RELN: variants seen among roughly 807,000 people sequenced by gnomAD.
RELN encodes the protein reelin.
RELN carries 108 observed loss-of-function variants against 427.6 expected under a neutral mutation model. That is an observed-to-expected ratio of 0.25 (90% CI 0.22 to 0.30). RELN has a LOEUF of 0.30. Ranked by LOEUF, RELN falls within the 10% of genes least tolerant of loss-of-function variation. The pLI, the probability that RELN is intolerant of heterozygous loss-of-function variation, is 1.00. For missense variants in RELN, 3,715 were observed against 4,302.8 expected (o/e 0.86, Z 3.82); for synonymous variants, 1,524 against 1,513.4 (o/e 1.01, Z -0.16).
chr7:103,726,886 T>A (rs193292883), intron 7 of RELN, among the ~76,000 whole-genome samples: 16 of 152,320 alleles, frequency 1.1e-4, no homozygotes, highest in Admixed American at 9.2e-4. Context: ...AGGAATATTA[T>A]AGCACTTTTG....
intron 2 of RELN, among the ~76,000 whole-genome samples, chr7:103,883,291 TAAG>T (rs1260651436): frequency 1.3e-5 from 2 of 152,062 alleles, no homozygotes; most frequent in Non-Finnish European, 2.9e-5. Context: ...CTCAAAATAA[TAAG>T]AACTATTTAT....
At chr7:103,954,052 C>A (rs1488782991) in intron 1 of RELN, among the ~76,000 whole-genome samples, 3 of 152,024 alleles carry the variant, frequency 2.0e-5, no homozygotes, top group Admixed American at 1.3e-4. Context: ...GAGTTTGAGA[C>A]CAGCCTGGCC....
intron 4 of RELN, among the ~76,000 whole-genome samples, chr7:103,774,741 C>G (rs943444433): frequency 9.2e-5 from 14 of 152,152 alleles, no homozygotes; most frequent in Non-Finnish European, 1.2e-4. Flanking sequence ...TATTTCCTGA[C>G]AGTAGAAAGC....
chr7:103,558,180 A>T, intron 36 of RELN, 131 bp from the exon 37 acceptor site: 1 of 637,014 alleles, frequency 1.6e-6, no homozygotes, highest in South Asian at 1.8e-5. Flanking sequence ...AATTTTGCCT[A>T]GTTTAAAAGG....
intron 41 of RELN, among the ~76,000 whole-genome samples, chr7:103,549,623 G>A (rs1401590027): frequency 6.6e-6 from 1 of 152,106 alleles, no homozygotes; most frequent in Admixed American, 6.5e-5. Context: ...TTGAAAATTT[G>A]GAATTAAGAG....
At chr7:103,910,667 G>A (rs1795344647) in intron 2 of RELN, among the ~76,000 whole-genome samples, 1 of 135,932 alleles carries the variant, frequency 7.4e-6, no homozygotes, top group Non-Finnish European at 1.6e-5. Flanking sequence ...ATAGATCAAT[G>A]GAACAGAACA....
rs17132957 is a variant in RELN at position 103,489,504 on chromosome 7, A to G, written c.9763+238T>C. Among the ~76,000 whole-genome samples, 29,641 of 152,126 alleles carry G rather than the reference A, an allele frequency of 0.19. 3,243 individuals are homozygous for G. Among genetic ancestry groups the G allele is most frequent in the African/African-American group, 0.3 (12,645 of 41,482 alleles). Reference sequence around the variant, plus strand: ...TCTGGATTTATATGCTTATATATTTATAGAATGTCTGGAGTAGATTTCATT... The same window carrying G: ...TCTGGATTTATATGCTTATATATTTGTAGAATGTCTGGAGTAGATTTCATT... On this transcript the variant is annotated intron_variant, in intron 60 of 64. Coordinates refer to ENST00000428762, the MANE Select transcript of RELN (RefSeq NM_005045.4).
intron 3 of RELN, among the ~76,000 whole-genome samples, chr7:103,831,123 A>G (rs1056718922): frequency 6.6e-6 from 1 of 152,098 alleles, no homozygotes; most frequent in African/African-American, 2.4e-5. Flanking sequence ...AATTAAAAAC[A>G]TATCTGTTTG....
chr7:103,787,966 C>T (rs1053535534), intron 3 of RELN, among the ~76,000 whole-genome samples: 6 of 152,158 alleles, frequency 3.9e-5, no homozygotes, highest in Non-Finnish European at 7.4e-5. Context: ...TCCAGCAGCA[C>T]ATCAAAAATC....
intron 28 of RELN, among the ~76,000 whole-genome samples, chr7:103,588,684 A>G (rs1367686851): frequency 6.6e-6 from 1 of 152,214 alleles, no homozygotes; most frequent in Non-Finnish European, 1.5e-5. Context: ...CTGAGCAATA[A>G]CCAGATTTTC....
chr7:103,958,422 G>GT (rs1229268284), intron 1 of RELN, among the ~76,000 whole-genome samples: 1 of 152,166 alleles, frequency 6.6e-6, no homozygotes, highest in Non-Finnish European at 1.5e-5. Flanking sequence ...CATGTGTACT[G>GT]TGGTGTGCTT....
chr7:103,725,725 G>T (rs1372809701), intron 7 of RELN, among the ~76,000 whole-genome samples: 1 of 151,980 alleles, frequency 6.6e-6, no homozygotes, highest in Non-Finnish European at 1.5e-5. Context: ...AATTAATAAA[G>T]TTCAGTGTCA....
At chr7:103,657,544 T>C (rs1833047810) in intron 12 of RELN, among the ~76,000 whole-genome samples, 1 of 152,094 alleles carries the variant, frequency 6.6e-6, no homozygotes, top group Non-Finnish European at 1.5e-5. Flanking sequence ...ATTTCATTCA[T>C]CTGTTTTCTG....
chr7:103,816,629 C>T (rs1281339570), intron 3 of RELN, among the ~76,000 whole-genome samples: 3 of 151,320 alleles, frequency 2.0e-5, no homozygotes, highest in Non-Finnish European at 4.4e-5. Flanking sequence ...TTTTATCTAA[C>T]ATTGCAACCA....
rs567331631 is a variant in RELN at position 103,568,990 on chromosome 7, C to A, written c.4589-2231G>T. ...ACACATTCTTTGACACTCTTCCGTT[C>A]AAAAAGTGGAGCTTAATTCTTCCCC... On this transcript the variant is annotated intron_variant, in intron 31 of 64. Coordinates refer to ENST00000428762, the MANE Select transcript of RELN (RefSeq NM_005045.4). Among the ~76,000 whole-genome samples the A allele has an allele frequency of 9.2e-5, 14 of 152,262 alleles. No individual in the cohort carries two copies. In the East Asian group the frequency reaches 2.7e-3, roughly 29 times the overall value.
intron 32 of RELN, 59 bp downstream of exon 32, chr7:103,566,542 G>A (rs914076089): frequency 1.9e-6 from 3 of 1,599,356 alleles, no homozygotes; most frequent in Non-Finnish European, 1.7e-6. Context: ...AGTGCAAGGT[G>A]GGTATGGATA....
At chr7:103,926,630 T>G (rs968231074) in intron 1 of RELN, among the ~76,000 whole-genome samples, 1 of 20,328 alleles carries the variant, frequency 4.9e-5, no homozygotes, top group Non-Finnish European at 8.5e-5. Context: ...ATCATAAGTT[T>G]TTTTTTTTTT....
chr7:103,588,227 A>T (rs1324369147), intron 28 of RELN, among the ~76,000 whole-genome samples: 1 of 152,202 alleles, frequency 6.6e-6, no homozygotes, highest in Non-Finnish European at 1.5e-5. Flanking sequence ...AGCAACATGG[A>T]TGGAACCAGA....
intron 3 of RELN, among the ~76,000 whole-genome samples, chr7:103,826,320 ATGTGTGTGTGTGTG>A (rs71154374): frequency 1.2e-4 from 15 of 122,088 alleles, no homozygotes; most frequent in African/African-American, 3.3e-4. Context: ...GACTAAGACA[ATGTGTGTGTGTGTG>A]TGTGTGTGTG....
Sources: allele counts gnomAD v4.1 joint callset (sites outside exome capture counted in the v4.1 genomes callset), GRCh38; gene constraint gnomAD v4.1.1; transcripts MANE v1.5; gene names NCBI Gene and HGNC (gene_info 2026-07-23, HGNC 2026-07-21).